DOCK7: variants seen among roughly 807,000 people sequenced by gnomAD.
DOCK7 encodes the protein dedicator of cytokinesis 7.
A neutral mutation model predicts 271.0 loss-of-function variants in DOCK7; 138 were observed. The observed-to-expected ratio is 0.51, with a 90% CI of 0.44 to 0.59. The LOEUF (loss-of-function observed/expected upper bound fraction) is 0.59. Ranked by LOEUF, DOCK7 falls within the 20% of genes least tolerant of loss-of-function variation. The pLI is 0.00. For synonymous variants in DOCK7, 823 were observed against 876.1 expected (o/e 0.94, Z 1.07); for missense variants, 2,066 against 2,592.4 (o/e 0.80, Z 4.41).
At position 62,513,444 on chromosome 1, in the gene DOCK7, C is replaced by A; in HGVS notation, c.4282G>T (p.Glu1428Ter). 1 of 1,585,810 alleles carries A rather than the reference C, an allele frequency of 6.3e-7. No individual in the cohort carries two copies. The highest frequency in any genetic ancestry group is 1.2e-5 in the South Asian group (1 of 85,166). ...LGTYTIASPP[E>*]RSPSGSAFGS... ...TCAAGGAAATTGAAGAAATTCTCAC[C>A]AGGAGGAGAAGCTATTGTGTACGTA... The change falls in exon 33 of 50, where the codon GAG becomes TAG. Residue 1428 changes from glutamate (E) to a stop codon, truncating the protein, a stop_gained and splice_region_variant. Coordinates refer to ENST00000635253, the MANE Select transcript of DOCK7 (RefSeq NM_001367561.1). LOFTEE classifies it high-confidence loss of function.
chr1:62,576,779 T>C (rs931396883), intron 18 of DOCK7, among the ~76,000 whole-genome samples: 35 of 152,334 alleles, frequency 2.3e-4, no homozygotes, highest in African/African-American at 8.4e-4. Flanking sequence ...TATGTAATCA[T>C]CAAAGTTGCC....
At chr1:62,589,784 A>G (rs1177584423) in intron 14 of DOCK7, among the ~76,000 whole-genome samples, 1 of 151,658 alleles carries the variant, frequency 6.6e-6, no homozygotes, top group Non-Finnish European at 1.5e-5. Context: ...AATTAAAAGT[A>G]TATCATTTAA....
chr1:62,465,862 T>A (rs1456478175), intron 48 of DOCK7, among the ~76,000 whole-genome samples: 1 of 152,188 alleles, frequency 6.6e-6, no homozygotes, highest in African/African-American at 2.4e-5. Flanking sequence ...GAAATACCAT[T>A]TTATCTCATA....
intron 20 of DOCK7, among the ~76,000 whole-genome samples, chr1:62,558,637 G>A (rs1646224293): frequency 6.6e-6 from 1 of 152,094 alleles, no homozygotes; most frequent in South Asian, 2.1e-4. Context: ...AATACAACAT[G>A]ATTTACCTGT....
intron 49 of DOCK7, among the ~76,000 whole-genome samples, chr1:62,457,299 A>G (rs1343441424): frequency 6.6e-6 from 1 of 152,198 alleles, no homozygotes; most frequent in Non-Finnish European, 1.5e-5. Context: ...AATATCAGAG[A>G]CTTTTTAAGC....
At chr1:62,497,356 A>G (rs1280760427) in intron 37 of DOCK7, among the ~76,000 whole-genome samples, 6 of 152,156 alleles carry the variant, frequency 3.9e-5, no homozygotes, top group East Asian at 1.9e-4. Flanking sequence ...TCTCCAGCTG[A>G]TATTTGTCTG....
At chr1:62,460,314 A>G (rs1213453703) in intron 48 of DOCK7, among the ~76,000 whole-genome samples, 1 of 152,076 alleles carries the variant, frequency 6.6e-6, no homozygotes, top group Non-Finnish European at 1.5e-5. Flanking sequence ...TGCATGCATG[A>G]ATTAGACCAA....
chr1:62,621,695 G>A (rs201788714), intron 12 of DOCK7, among the ~76,000 whole-genome samples: 2 of 152,114 alleles, frequency 1.3e-5, no homozygotes, highest in East Asian at 3.9e-4. Context: ...TTGAGTTATG[G>A]TTAGAAAATC....
At chr1:62,514,542 A>G (rs1644601664) in intron 31 of DOCK7, among the ~76,000 whole-genome samples, 1 of 152,136 alleles carries the variant, frequency 6.6e-6, no homozygotes, top group Admixed American at 6.6e-5. Context: ...ACTCTGTTTC[A>G]GTCATCATAC....
chr1:62,495,046 T>C (rs1425772345), intron 39 of DOCK7: 1 of 152,366 alleles, frequency 6.6e-6, no homozygotes, highest in Non-Finnish European at 1.5e-5. Flanking sequence ...ATTAATGTTA[T>C]CGTAAAACAT....
rs971116179 is a variant in DOCK7, at chr1:62,686,520, G to T, written c.38+1707C>A. Among the ~76,000 whole-genome samples the T allele has an allele frequency of 1.1e-4, 16 of 151,560 alleles. No individual in the cohort carries two copies. In the South Asian group the frequency reaches 2.7e-3, roughly 26 times the overall value. On this transcript the variant is annotated intron_variant, in intron 1 of 49. Transcript: ENST00000635253. ...ACATTTTTTAATGACATCATCATCA[G>T]AAGTAAGACCTAATTATTTTACAAA...
intron 7 of DOCK7, among the ~76,000 whole-genome samples, chr1:62,645,075 A>C (rs1384299536): frequency 2.0e-5 from 3 of 152,208 alleles, no homozygotes; most frequent in Non-Finnish European, 4.4e-5. Context: ...ACGTGGAGAA[A>C]TTAGAATCAT....
intron 12 of DOCK7, among the ~76,000 whole-genome samples, chr1:62,620,652 G>A (rs1285293217): frequency 6.6e-6 from 1 of 151,624 alleles, no homozygotes. Flanking sequence ...AGGCCGAGGC[G>A]GGCGGACCAT....
At chr1:62,588,891 C>T (rs1647998676) in intron 14 of DOCK7, among the ~76,000 whole-genome samples, 1 of 152,080 alleles carries the variant, frequency 6.6e-6, no homozygotes, top group South Asian at 2.1e-4. Context: ...CAGGCACGTG[C>T]CATCACACTG....
intron 31 of DOCK7, among the ~76,000 whole-genome samples, chr1:62,526,713 T>A (rs1645020444): frequency 6.6e-6 from 1 of 152,178 alleles, no homozygotes; most frequent in Non-Finnish European, 1.5e-5. Context: ...AACTTTGGTG[T>A]ATCAATACAA....
chr1:62,626,489 TG>T (rs1653972658), intron 11 of DOCK7, among the ~76,000 whole-genome samples: 1 of 148,160 alleles, frequency 6.7e-6, no homozygotes, highest in Non-Finnish European at 1.5e-5. Context: ...GCTAAAATGA[TG>T]AACCAAAAAA....
chr1:62,464,876 G>A (rs1645630690), intron 48 of DOCK7, among the ~76,000 whole-genome samples: 2 of 152,024 alleles, frequency 1.3e-5, no homozygotes, highest in Non-Finnish European at 2.9e-5. Flanking sequence ...GGAGATTTGC[G>A]AAAAGACTTG....
chr1:62,534,254 C>A (rs1645268986), intron 29 of DOCK7, among the ~76,000 whole-genome samples: 1 of 152,140 alleles, frequency 6.6e-6, no homozygotes, highest in Non-Finnish European at 1.5e-5. Context: ...ACTGTCTCAG[C>A]ATCCCAAAGT....
chr1:62,598,925 CTG>C, intron 14 of DOCK7: 1 of 691,850 alleles, frequency 1.4e-6, no homozygotes. Context: ...ATCAGCATAA[CTG>C]TTAAAATTGC....
Sources: gnomAD v4.1 joint callset for allele counts (sites outside exome capture counted in the v4.1 genomes callset) on GRCh38, gnomAD v4.1.1 for gene constraint, MANE v1.5 for transcripts, NCBI Gene and HGNC (gene_info 2026-07-23, HGNC 2026-07-21) for gene names.